CNOT2: variants seen among roughly 807,000 people sequenced by gnomAD.
CNOT2 encodes CCR4-NOT transcription complex subunit 2, also known as CC chemokine receptor 4-negative regulator of transcription 2.
Under a neutral mutation model 72.1 loss-of-function variants are expected in CNOT2, and 7 were observed. The observed-to-expected ratio is 0.10, with a 90% CI of 0.06 to 0.18. The LOEUF is 0.18. Ranked by LOEUF, CNOT2 falls within the 10% of genes least tolerant of loss-of-function variation. The pLI is 1.00. For missense variants in CNOT2, 345 were observed against 660.3 expected, an observed-to-expected ratio of 0.52 and a Z score of 5.23; for synonymous variants, 196 against 225.6, an observed-to-expected ratio of 0.87 and a Z score of 1.17.
intron 2 of CNOT2, among the ~76,000 whole-genome samples, chr12:70,305,879 T>TTTTG (rs1555198868): frequency 2.0e-5 from 3 of 147,362 alleles, no homozygotes; most frequent in Admixed American, 6.7e-5. Context: ...GTTTGTTTTT[T>TTTTG]TTTTTTTTTT....
At chr12:70,257,574 AG>A (rs1315570772) in intron 1 of CNOT2, among the ~76,000 whole-genome samples, 2 of 151,372 alleles carry the variant, frequency 1.3e-5, no homozygotes, top group East Asian at 3.9e-4. Context: ...TCACCGTGTT[AG>A]CCAGGATGCT....
intron 1 of CNOT2, among the ~76,000 whole-genome samples, chr12:70,263,750 A>G (rs555347289): frequency 5.1e-4 from 77 of 152,202 alleles, no homozygotes; most frequent in Admixed American, 1.0e-3. Flanking sequence ...ATTTATTTGC[A>G]TGTCATAATT....
chr12:70,270,667 T>G (rs1001411158), intron 1 of CNOT2, among the ~76,000 whole-genome samples: 2 of 152,164 alleles, frequency 1.3e-5, no homozygotes, highest in African/African-American at 2.4e-5. Flanking sequence ...ACTGACCCAC[T>G]CTTTTAAACA....
intron 1 of CNOT2, among the ~76,000 whole-genome samples, chr12:70,264,884 C>A: frequency 6.6e-6 from 1 of 152,038 alleles, no homozygotes; most frequent in Middle Eastern, 3.2e-3. Context: ...TAGAACACTC[C>A]CCAGAGCACT....
intron 1 of CNOT2, among the ~76,000 whole-genome samples, chr12:70,248,986 C>G (rs1958016363): frequency 6.6e-6 from 1 of 151,972 alleles, no homozygotes; most frequent in South Asian, 2.1e-4. Flanking sequence ...ATTTAGGTAA[C>G]AGTGAGTAGA....
rs780544750 is a variant in CNOT2 at position 70,354,955 on chromosome 12, G to T, written c.*1040G>T. The T allele has an allele frequency of 2.0e-5, 3 of 152,552 alleles. No individual in the cohort carries two copies. The highest frequency in any genetic ancestry group is 2.9e-5 in the Non-Finnish European group (2 of 68,022). The allele number at this position is 152,552 out of a possible 1,614,324, so 9.4% of individuals were successfully genotyped here. On this transcript the variant is annotated 3_prime_UTR_variant, in exon 16 of 16. Transcript: ENST00000229195. ...TCTTGTATTTTCTGACCACATAAAG[G>T]CTTCTTCTCTTTGTAATAAAGTAGA...
intron 1 of CNOT2, among the ~76,000 whole-genome samples, chr12:70,277,028 G>A (rs1276618955): frequency 6.6e-6 from 1 of 151,954 alleles, no homozygotes; most frequent in African/African-American, 2.4e-5. Flanking sequence ...GTGTACATGT[G>A]TGTTTGTTGG....
chr12:70,302,036 G>A (rs967949036), intron 2 of CNOT2, among the ~76,000 whole-genome samples: 1 of 152,104 alleles, frequency 6.6e-6, no homozygotes, highest in African/African-American at 2.4e-5. Context: ...TCTGATGGTG[G>A]TATGTATTTC....
chr12:70,298,450 C>A (rs889100691), intron 2 of CNOT2, among the ~76,000 whole-genome samples: 2 of 152,170 alleles, frequency 1.3e-5, no homozygotes, highest in African/African-American at 4.8e-5. Context: ...CCGCATTTAT[C>A]AGATATATAA....
At chr12:70,353,354 C>T (rs929264287) in intron 15 of CNOT2, among the ~76,000 whole-genome samples, 1 of 152,002 alleles carries the variant, frequency 6.6e-6, no homozygotes, top group Non-Finnish European at 1.5e-5. Flanking sequence ...GGATTACAGA[C>T]GTGAGCCACT....
rs534080455 is a variant in CNOT2, at chr12:70,297,029, G to T, written c.49-13866G>T. Among the ~76,000 whole-genome samples the T allele has an allele frequency of 9.2e-5, 14 of 152,096 alleles. No individual in the cohort carries two copies. In the South Asian group the frequency reaches 2.9e-3, roughly 32 times the overall value. On this transcript the variant is annotated intron_variant, in intron 2 of 15. Coordinates refer to ENST00000229195, the MANE Select transcript of CNOT2 (RefSeq NM_014515.7). ...TATAAAAACGCTAGATTATCTTCAGGTATTAGGACTCCTCATCATTGGTTT... is the reference window on the plus strand; with the variant it reads ...TATAAAAACGCTAGATTATCTTCAGTTATTAGGACTCCTCATCATTGGTTT...
chr12:70,269,693 C>T (rs953301512), intron 1 of CNOT2, among the ~76,000 whole-genome samples: 1 of 152,170 alleles, frequency 6.6e-6, no homozygotes, highest in Non-Finnish European at 1.5e-5. Flanking sequence ...GTGCCTCTAG[C>T]ACCACTGTGG....
At chr12:70,324,694 G>A (rs1422606100) in intron 4 of CNOT2, among the ~76,000 whole-genome samples, 1 of 151,872 alleles carries the variant, frequency 6.6e-6, no homozygotes, top group African/African-American at 2.4e-5. Flanking sequence ...TTCGAGCACA[G>A]CAGCCACTTC....
intron 2 of CNOT2, among the ~76,000 whole-genome samples, chr12:70,284,575 CCTT>C (rs560281436): frequency 0.19 from 26,254 of 140,332 alleles, 2,223 homozygotes; most frequent in Middle Eastern, 0.27. Context: ...TAAAATTTGA[CCTT>C]TTTTTTTTTT....
chr12:70,277,469 T>G (rs1465661870), intron 1 of CNOT2, among the ~76,000 whole-genome samples: 1 of 152,130 alleles, frequency 6.6e-6, no homozygotes, highest in Non-Finnish European at 1.5e-5. Context: ...TTTCGCCCAA[T>G]GTAAAAAAGT....
intron 11 of CNOT2, among the ~76,000 whole-genome samples, chr12:70,340,000 A>G (rs1258331736): frequency 2.6e-5 from 4 of 152,122 alleles, no homozygotes; most frequent in Non-Finnish European, 5.9e-5. Flanking sequence ...TACTTCTCTC[A>G]TCTTAGAAGA....
At chr12:70,351,028 A>T (rs1293307810) in intron 15 of CNOT2, among the ~76,000 whole-genome samples, 1 of 152,220 alleles carries the variant, frequency 6.6e-6, no homozygotes. Flanking sequence ...TAATTTTATT[A>T]ATAGAAGAAC....
intron 1 of CNOT2, among the ~76,000 whole-genome samples, chr12:70,255,100 C>G (rs2135715020): frequency 6.6e-6 from 1 of 151,958 alleles, no homozygotes; most frequent in East Asian, 1.9e-4. Context: ...TTCATCGGAG[C>G]AGGCCAGTTA....
intron 1 of CNOT2, among the ~76,000 whole-genome samples, chr12:70,251,397 G>A (rs1958136778): frequency 6.6e-6 from 1 of 152,162 alleles, no homozygotes; most frequent in South Asian, 2.1e-4. Flanking sequence ...CTAGGAAAAT[G>A]TTCTAGATTT....
Sources: gnomAD v4.1 joint callset for allele counts (sites outside exome capture counted in the v4.1 genomes callset) on GRCh38, gnomAD v4.1.1 for gene constraint, MANE v1.5 for transcripts, NCBI Gene and HGNC (gene_info 2026-07-23, HGNC 2026-07-21) for gene names.